Variants in ZHX3 observed in about 807,000 individuals in gnomAD.
The protein encoded by ZHX3 is zinc fingers and homeoboxes protein 3.
A neutral mutation model predicts 64.5 loss-of-function variants in ZHX3; 20 were observed. The observed-to-expected ratio is 0.31, with a 90% confidence interval of 0.22 to 0.45. The LOEUF (loss-of-function observed/expected upper bound fraction) is 0.45, where lower values mean the gene tolerates loss of function less well. ZHX3 is among the 20% of genes least tolerant of loss of function. The pLI is 1.00. For synonymous variants in ZHX3, 423 were observed against 461.6 expected (o/e 0.92, Z 1.07); for missense variants, 1,041 against 1,195.8 (o/e 0.87, Z 1.91).
intron 2 of ZHX3, among the ~76,000 whole-genome samples, chr20:41,215,763 T>A (rs1600806517): frequency 7.9e-6 from 1 of 126,418 alleles, no homozygotes. Context: ...TGAAACCACG[T>A]CTCTACTAAA....
rs2036169254 is a variant in ZHX3, at chr20:41,179,561, C to G, written c.*5630G>C. On this transcript the variant is annotated 3_prime_UTR_variant, in exon 4 of 4. Transcript: ENST00000683867. The surrounding 1 kb of genome is among the most constrained non-coding windows in gnomAD (Gnocchi z 4.3). ...CTCAGGTTTGATTCTTGGGAAAGAC[C>G]AAGCACTTGTAGCTCTCTATTCAGT... 1 of 152,092 alleles carries G rather than the reference C, an allele frequency of 6.6e-6. No homozygotes were observed. Among genetic ancestry groups the G allele is most frequent in the African/African-American group, 2.4e-5 (1 of 41,424 alleles). The allele number at this position is 152,092 out of a possible 1,614,324, so 9.4% of individuals were successfully genotyped here.
intron 3 of ZHX3, chr20:41,197,247 A>G (rs2037796611): frequency 6.8e-6 from 1 of 146,228 alleles, no homozygotes; most frequent in Non-Finnish European, 1.5e-5. Flanking sequence ...TTTAAAATAC[A>G]TATATATTTT....
rs1437849862 is a variant in ZHX3 at position 41,204,542 on chromosome 20, G to A, written c.375C>T (p.Ser125=). The change falls in exon 3 of 4, where the codon TCC becomes TCT. Residue 125 remains serine, a synonymous_variant. Transcript: ENST00000683867. The surrounding 1 kb of genome is among the most constrained non-coding windows in gnomAD (Gnocchi z 6.6). The part of the protein sequence containing the change: ...SFLAKTPEGL[S]LHNATCHSGE... ...CGGAGTGACATGTGGCATTGTGCAA[G>A]GAAAGCCCCTCAGGGGTTTTTGCCA... 2 of 1,614,174 alleles carry A rather than the reference G, an allele frequency of 1.2e-6. No homozygotes were observed. Among genetic ancestry groups the A allele is most frequent in the Non-Finnish European group, 1.7e-6 (2 of 1,180,032 alleles).
At position 41,228,495 on chromosome 20, in the gene ZHX3, G is replaced by A. The variant is rs2040407136; in HGVS notation, c.-150-23429C>T. On this transcript the variant is annotated intron_variant, in intron 2 of 3. Transcript: ENST00000683867. The surrounding 1 kb of genome is among the most constrained non-coding windows in gnomAD (Gnocchi z 4.6). Reference sequence around the variant, plus strand: ...TTCTCACAGTTCTTGAGGCCAGGAAGTCCAAGATGAAGGTGCTGGCATATT... The same window carrying A: ...TTCTCACAGTTCTTGAGGCCAGGAAATCCAAGATGAAGGTGCTGGCATATT... Among the ~76,000 whole-genome samples the A allele has an allele frequency of 6.6e-6, 1 of 152,202 alleles. No individual in the cohort carries two copies. Among genetic ancestry groups the A allele is most frequent in the Non-Finnish European group, 1.5e-5 (1 of 68,040 alleles).
intron 2 of ZHX3, among the ~76,000 whole-genome samples, chr20:41,206,644 C>T (rs1007534732): frequency 4.6e-5 from 7 of 152,088 alleles, no homozygotes; most frequent in African/African-American, 1.7e-4. Flanking sequence ...AAATATGGGA[C>T]TATGTGAAAA....
chr20:41,199,693 C>A (rs1296963190), intron 3 of ZHX3, among the ~76,000 whole-genome samples: 3 of 149,546 alleles, frequency 2.0e-5, no homozygotes, highest in African/African-American at 7.4e-5. Flanking sequence ...AATCAGAAAT[C>A]AAAAAACTCT....
chr20:41,294,452 C>T (rs1455327065), intron 1 of ZHX3, among the ~76,000 whole-genome samples: 1 of 152,156 alleles, frequency 6.6e-6, no homozygotes, highest in Non-Finnish European at 1.5e-5. Flanking sequence ...ACCCCTGCCT[C>T]CTGAGTTCAA....
chr20:41,183,701 A>G lies in ZHX3; in HGVS notation c.*1490T>C. 1 of 152,328 alleles carries G rather than the reference A, an allele frequency of 6.6e-6. No homozygotes were observed. The highest frequency in any genetic ancestry group is 1.5e-5 in the Non-Finnish European group (1 of 68,088). 9.4% of individuals were successfully genotyped at this position (152,328 alleles called of 1,614,324 possible). On this transcript the variant is annotated 3_prime_UTR_variant, in exon 4 of 4. Coordinates refer to ENST00000683867, the MANE Select transcript of ZHX3 (RefSeq NM_001384317.1). The surrounding 1 kb of genome is among the most constrained non-coding windows in gnomAD (Gnocchi z 5.3). Reference sequence around the variant, plus strand: ...CGAAGCCTGGTACTTGTGGCTTGGCACTCTGGGAAGCAGGTGGTTTCTAAG... The same window carrying G: ...CGAAGCCTGGTACTTGTGGCTTGGCGCTCTGGGAAGCAGGTGGTTTCTAAG...
intron 1 of ZHX3, 200 bp downstream of exon 1, chr20:41,317,309 T>A (rs768396668): frequency 5.3e-5 from 8 of 151,634 alleles, no homozygotes; most frequent in African/African-American, 9.7e-5. Flanking sequence ...CCTCTCAGCA[T>A]GGGGGTGCTG....
At chr20:41,298,906 A>G (rs1341881031) in intron 1 of ZHX3, among the ~76,000 whole-genome samples, 3 of 152,250 alleles carry the variant, frequency 2.0e-5, no homozygotes, top group Non-Finnish European at 2.9e-5. Flanking sequence ...CAAGAGTCCC[A>G]GGACAAATAT....
In ZHX3 at chr20:41,201,253, GCTT is replaced by G; in HGVS notation, c.2860+801_2860+803del. On this transcript the variant is annotated intron_variant, in intron 3 of 3. Transcript: ENST00000683867. This position sits in a 1 kb window ranked among gnomAD's most constrained non-coding sequence, Gnocchi z 5.0. ...CATTTTGGAACCCCCAATCCCTTCA[GCTT>G]CTACAATACTCCGCCCTCCTGGCTC... 7.8e-7 allele frequency: 1 copy of G among 1,274,932 alleles called. No homozygotes were observed. Among genetic ancestry groups the G allele is most frequent in the South Asian group, 1.3e-5 (1 of 76,924 alleles). 79.0% of individuals were successfully genotyped at this position (1,274,932 alleles called of 1,614,324 possible). A position where few individuals can be genotyped will look rare whatever the true frequency, so the allele number is the denominator to read the frequency against.
rs2041525456 is a variant in ZHX3 at position 41,243,726 on chromosome 20, T to A, written c.-151+25264A>T. On this transcript the variant is annotated intron_variant, in intron 2 of 3. Coordinates refer to ENST00000683867, the MANE Select transcript of ZHX3 (RefSeq NM_001384317.1). ...GGGATTTCAATGGTCATCCTCATAA[T>A]CAAGCTCTTACTCTACTCTCAAAGG... Among the ~76,000 whole-genome samples, 3 of 152,278 alleles carry A rather than the reference T, an allele frequency of 2.0e-5. No individual in the cohort carries two copies. In the South Asian group the frequency reaches 6.2e-4, roughly 32 times the overall value.
intron 1 of ZHX3, among the ~76,000 whole-genome samples, chr20:41,287,237 T>C (rs1161771490): frequency 1.3e-5 from 2 of 152,168 alleles, no homozygotes; most frequent in African/African-American, 4.8e-5. Context: ...TATTACTGTT[T>C]AGAGAGGCCT....
At chr20:41,242,578 C>G (rs1165950509) in intron 2 of ZHX3, among the ~76,000 whole-genome samples, 1 of 152,170 alleles carries the variant, frequency 6.6e-6, no homozygotes, top group East Asian at 1.9e-4. Flanking sequence ...TGATCAAACA[C>G]AATCTGTCTG....
intron 2 of ZHX3, among the ~76,000 whole-genome samples, chr20:41,249,062 GACTTCCAC>G (rs1203232467): frequency 6.6e-6 from 1 of 152,174 alleles, no homozygotes; most frequent in African/African-American, 2.4e-5. Flanking sequence ...AATTACCCAT[GACTTCCAC>G]TATATAGGAT....
Position 41,204,087 on chromosome 20 carries a change from T to A in ZHX3, c.830A>T (p.Gln277Leu), listed in dbSNP as rs1180371270. 1 of 1,609,472 alleles carries A rather than the reference T, an allele frequency of 6.2e-7. No homozygotes were observed. Among genetic ancestry groups the A allele is most frequent in the Non-Finnish European group, 8.5e-7 (1 of 1,177,388 alleles). Residue 277 changes from glutamine to leucine, a missense_variant, in exon 3 of 4, where the codon CAG becomes CTG. This residue lies in a region of ZHX3 where 358 missense variants were observed against 369.1 expected (regional missense o/e 0.97). Coordinates refer to ENST00000683867, the MANE Select transcript of ZHX3 (RefSeq NM_001384317.1). The surrounding 1 kb of genome is among the most constrained non-coding windows in gnomAD (Gnocchi z 6.6). ...ATGGTGTTGGGCATGCACTGGGGGCTGCTGCTGGAGGGAGAGGAACTGTGC... is the reference window on the plus strand; with the variant it reads ...ATGGTGTTGGGCATGCACTGGGGGCAGCTGCTGGAGGGAGAGGAACTGTGC... Reference protein sequence around the residue: ...GIAQFLSLQQQPPVHAQHHVH... With the variant: ...GIAQFLSLQQLPPVHAQHHVH...
rs940784279 is a variant in ZHX3, at chr20:41,184,186, C to T, written c.*1005G>A. ...TAATGGGCCAGTGTGTTATTCCTTC[C>T]CAAACCATAGGAGGCTCTGAAATGA... On this transcript the variant is annotated 3_prime_UTR_variant, in exon 4 of 4. Transcript: ENST00000683867. 6.6e-6 allele frequency: 1 copy of T among 152,240 alleles called. No homozygotes were observed. Among genetic ancestry groups the T allele is most frequent in the Non-Finnish European group, 1.5e-5 (1 of 68,062 alleles). 9.4% of individuals were successfully genotyped at this position (152,240 alleles called of 1,614,324 possible).
chr20:41,260,393 T>C (rs1472783449), intron 2 of ZHX3, among the ~76,000 whole-genome samples: 2 of 152,218 alleles, frequency 1.3e-5, no homozygotes, highest in Admixed American at 6.5e-5. Context: ...ATAAAACTTT[T>C]ACAAACTGTT....
chr20:41,306,149 G>A (rs2044973480), intron 1 of ZHX3, among the ~76,000 whole-genome samples: 1 of 152,088 alleles, frequency 6.6e-6, no homozygotes, highest in African/African-American at 2.4e-5. Flanking sequence ...ATTAGAATTA[G>A]TGAAATGTTA....
Sources: gnomAD v4.1 joint callset for allele counts (sites outside exome capture counted in the v4.1 genomes callset) on GRCh38, gnomAD v4.1.1 for gene constraint, gnomAD v4.1.1 regional missense constraint, Gnocchi (gnomAD v3.1) non-coding constraint, MANE v1.5 for transcripts, NCBI Gene and HGNC (gene_info 2026-07-23, HGNC 2026-07-21) for gene names.